The following CEP112 variants were observed in gnomAD, a reference collection of about 807,000 sequenced individuals.
CEP112 encodes the protein centrosomal protein of 112 kDa.
In CEP112, 127 loss-of-function variants were observed where a neutral mutation model predicts 153.0. The observed-to-expected ratio is 0.83, with a 90% CI of 0.72 to 0.96. The LOEUF is 0.96. Ranked by LOEUF, CEP112 falls within the 40% of genes least tolerant of loss-of-function variation. The pLI is 0.00. For missense variants in CEP112, 1,089 were observed against 1,101.2 expected, an observed-to-expected ratio of 0.99 and a Z score of 0.16; for synonymous variants, 358 against 374.4, an observed-to-expected ratio of 0.96 and a Z score of 0.51.
At chr17:65,670,262 T>G (rs1204016800) in intron 24 of CEP112, among the ~76,000 whole-genome samples, 1 of 151,718 alleles carries the variant, frequency 6.6e-6, no homozygotes, top group Non-Finnish European at 1.5e-5. Flanking sequence ...TATACCCTAA[T>G]AGTTATATAG....
chr17:65,891,208 GA>G (rs762103536), intron 20 of CEP112, among the ~76,000 whole-genome samples: 26 of 152,222 alleles, frequency 1.7e-4, no homozygotes, highest in Non-Finnish European at 5.9e-5. Flanking sequence ...CAGGTTTATA[GA>G]GCCAGTAAAT....
At chr17:66,048,948 A>C (rs978047667) in intron 12 of CEP112, among the ~76,000 whole-genome samples, 1 of 152,182 alleles carries the variant, frequency 6.6e-6, no homozygotes, top group African/African-American at 2.4e-5. Context: ...CATTTGACTA[A>C]GTTAAAATAA....
At chr17:65,855,663 C>A (rs1437608298) in intron 20 of CEP112, among the ~76,000 whole-genome samples, 1 of 152,096 alleles carries the variant, frequency 6.6e-6, no homozygotes, top group Non-Finnish European at 1.5e-5. Flanking sequence ...GGCTCCCTGG[C>A]CAAAGTAAAT....
At chr17:65,680,683 G>T (rs1598295981) in intron 24 of CEP112, among the ~76,000 whole-genome samples, 1 of 152,162 alleles carries the variant, frequency 6.6e-6, no homozygotes, top group Non-Finnish European at 1.5e-5. Context: ...GTGCATTTTA[G>T]TCCGTTCTCA....
At chr17:65,699,586 C>G (rs1025818812) in intron 23 of CEP112, among the ~76,000 whole-genome samples, 6 of 152,068 alleles carry the variant, frequency 3.9e-5, no homozygotes, top group African/African-American at 1.4e-4. Flanking sequence ...TTGTCTTTAC[C>G]CGTTTGCCCT....
chr17:66,099,564 A>G (rs929302389), intron 6 of CEP112, among the ~76,000 whole-genome samples: 2 of 151,638 alleles, frequency 1.3e-5, no homozygotes, highest in African/African-American at 4.8e-5. Context: ...CACAAAAGGC[A>G]CCATTTGTTA....
intron 23 of CEP112, among the ~76,000 whole-genome samples, chr17:65,690,113 C>CAA (rs67399289): frequency 1.9e-3 from 118 of 62,510 alleles, no homozygotes; most frequent in East Asian, 5.0e-3. Flanking sequence ...GAAAACAGAC[C>CAA]AAAAAAAAAA....
chr17:65,871,472 A>G (rs1171501046), intron 20 of CEP112, among the ~76,000 whole-genome samples: 1 of 152,058 alleles, frequency 6.6e-6, no homozygotes, highest in Admixed American at 6.5e-5. Flanking sequence ...CATCTCTACT[A>G]AAAATACAAA....
chr17:65,944,218 C>G (rs2061584198), intron 18 of CEP112, among the ~76,000 whole-genome samples: 1 of 152,176 alleles, frequency 6.6e-6, no homozygotes, highest in Non-Finnish European at 1.5e-5. Flanking sequence ...GCATGTGGGT[C>G]TTAATACCTT....
chr17:66,080,025 CTT>C (rs1047607618), intron 8 of CEP112, among the ~76,000 whole-genome samples: 20 of 152,128 alleles, frequency 1.3e-4, no homozygotes, highest in Non-Finnish European at 2.6e-4. Context: ...GGATTAAAGA[CTT>C]AAACATAAGA....
intron 6 of CEP112, among the ~76,000 whole-genome samples, chr17:66,110,952 G>A (rs1040891997): frequency 1.3e-5 from 2 of 152,052 alleles, no homozygotes; most frequent in Middle Eastern, 3.2e-3. Context: ...GGGAGAAAAT[G>A]TTTGCATCTG....
intron 17 of CEP112, 55 bp from the exon 18 acceptor site, chr17:65,961,653 T>C: frequency 4.7e-6 from 7 of 1,494,432 alleles, no homozygotes; most frequent in Non-Finnish European, 6.3e-6. Context: ...TAGGCCTGAA[T>C]GAAAGAACAA....
chr17:65,808,091 C>T (rs1490932936), intron 21 of CEP112, among the ~76,000 whole-genome samples: 1 of 152,230 alleles, frequency 6.6e-6, no homozygotes, highest in Non-Finnish European at 1.5e-5. Flanking sequence ...TGAGAGCCCA[C>T]CCCTTGCATC....
At chr17:65,872,369 G>A (rs900660075) in intron 20 of CEP112, among the ~76,000 whole-genome samples, 2 of 151,974 alleles carry the variant, frequency 1.3e-5, no homozygotes, top group African/African-American at 4.8e-5. Context: ...ACATACATGA[G>A]AACAATAATA....
At chr17:65,849,247 T>C (rs2057837086) in intron 21 of CEP112, among the ~76,000 whole-genome samples, 1 of 152,220 alleles carries the variant, frequency 6.6e-6, no homozygotes, top group Non-Finnish European at 1.5e-5. Context: ...CCTACTTATG[T>C]TACTTATGTC....
intron 17 of CEP112, among the ~76,000 whole-genome samples, chr17:65,970,591 T>C (rs1273490351): frequency 6.6e-6 from 1 of 152,092 alleles, no homozygotes; most frequent in African/African-American, 2.4e-5. Flanking sequence ...GTGCATTTTA[T>C]ATATTACCTG....
chr17:65,855,122 G>A (rs991935169), intron 20 of CEP112, among the ~76,000 whole-genome samples: 1 of 152,130 alleles, frequency 6.6e-6, no homozygotes, highest in African/African-American at 2.4e-5. Context: ...AAGCTCCTGG[G>A]TGGAATAAAG....
At chr17:65,675,325 T>C (rs967592708) in intron 24 of CEP112, among the ~76,000 whole-genome samples, 3 of 152,190 alleles carry the variant, frequency 2.0e-5, no homozygotes, top group Non-Finnish European at 4.4e-5. Context: ...GCTTCATCAG[T>C]GAACTCCACC....
chr17:65,800,333 A>C (rs1460060938), intron 21 of CEP112, among the ~76,000 whole-genome samples: 1 of 152,190 alleles, frequency 6.6e-6, no homozygotes, highest in East Asian at 1.9e-4. Context: ...TCTATTCTGA[A>C]CATTTCATAT....
Sources: gnomAD v4.1 joint callset for allele counts (sites outside exome capture counted in the v4.1 genomes callset) on GRCh38, gnomAD v4.1.1 for gene constraint, MANE v1.5 for transcripts, NCBI Gene and HGNC (gene_info 2026-07-23, HGNC 2026-07-21) for gene names.